Variants in NAALADL2 observed in about 807,000 individuals in gnomAD.
NAALADL2 encodes N-acetylated alpha-linked acidic dipeptidase like 2.
Under a neutral mutation model 87.2 loss-of-function variants are expected in NAALADL2, and 76 were observed. That is an observed-to-expected ratio of 0.87 (90% CI 0.72 to 1.05). The LOEUF (loss-of-function observed/expected upper bound fraction) is 1.05. NAALADL2 is among the 50% of genes least tolerant of loss of function. The probability of loss-of-function intolerance (pLI) is 0.00; values close to 1 mark genes in which losing one functional copy is unlikely to be tolerated. For missense variants in NAALADL2, 1,089 were observed against 945.8 expected, an observed-to-expected ratio of 1.15 and a Z score of -1.99; for synonymous variants, 354 against 331.0, an observed-to-expected ratio of 1.07 and a Z score of -0.75.
intron 1 of NAALADL2, among the ~76,000 whole-genome samples, chr3:174,462,649 G>A (rs773000700): frequency 4.9e-4 from 74 of 152,122 alleles, no homozygotes; most frequent in Non-Finnish European, 7.2e-4. Flanking sequence ...GAGGTGTCAA[G>A]ATATGCGTCT....
intron 1 of NAALADL2, among the ~76,000 whole-genome samples, chr3:174,964,246 T>C (rs1007378364): frequency 6.6e-6 from 1 of 152,086 alleles, no homozygotes; most frequent in African/African-American, 2.4e-5. Context: ...TCTCTATTCA[T>C]AGAGCTTACA....
chr3:175,251,211 C>T (rs1046606250), intron 3 of NAALADL2, among the ~76,000 whole-genome samples: 7 of 152,092 alleles, frequency 4.6e-5, no homozygotes, highest in Non-Finnish European at 4.4e-5. Flanking sequence ...TGTCGTCATC[C>T]CAAAACTTTG....
At position 174,848,046 on chromosome 3, in the gene NAALADL2, C is replaced by T. The variant is rs781415867; in HGVS notation, c.-9+110300C>T. ...ACTTCTTTGCTCCTTTTTATTTTCT[C>T]TACATGATATCCATGGTTAAAATCT... is the stretch of plus-strand genomic sequence containing the variant. On this transcript the variant is annotated intron_variant, in intron 3 of 3. Coordinates refer to the NAALADL2 transcript ENST00000434257. Among the ~76,000 whole-genome samples the T allele has an allele frequency of 1.2e-4, 18 of 146,764 alleles. No individual in the cohort carries two copies. In the Middle Eastern group the frequency reaches 0.01, roughly 86 times the overall value.
intron 3 of NAALADL2, among the ~76,000 whole-genome samples, chr3:174,799,669 G>A (rs1718573666): frequency 6.6e-6 from 1 of 152,158 alleles, no homozygotes; most frequent in African/African-American, 2.4e-5. Context: ...GAAGTGGAGT[G>A]CCGCAGAAAA....
intron 5 of NAALADL2, among the ~76,000 whole-genome samples, chr3:175,444,776 G>A (rs1170073682): frequency 2.0e-5 from 3 of 152,240 alleles, no homozygotes; most frequent in South Asian, 4.1e-4. Flanking sequence ...ATCTATATAA[G>A]GGAGCAATGA....
rs577951511 is a variant in NAALADL2, at chr3:175,337,686, T to C, written c.1090+13361T>C. The stretch of plus-strand genomic sequence containing the variant: ...CATCTCACTCAGTATTGTTCTGTTA[T>C]GGCAACCCTAGCAAACTAATACAAA... On this transcript the variant is annotated intron_variant, in intron 5 of 13. Coordinates refer to ENST00000454872, the MANE Select transcript of NAALADL2 (RefSeq NM_207015.3). Among the ~76,000 whole-genome samples the C allele has an allele frequency of 1.3e-4, 20 of 152,304 alleles. No individual in the cohort carries two copies. The East Asian group carries it at 3.9e-3, about 29-fold the overall frequency.
chr3:175,257,857 CAT>C lies in NAALADL2; in HGVS notation c.939+1328_939+1329del, dbSNP rs201825442. Reference sequence around the variant, plus strand: ...CCTATGAAGGTAACATTATTAATGACATGTGCTAGATAATTTTCTAAGCCTTT... The same window carrying C: ...CCTATGAAGGTAACATTATTAATGACGTGCTAGATAATTTTCTAAGCCTTT... On this transcript the variant is annotated intron_variant, in intron 4 of 13. Coordinates refer to ENST00000454872, the MANE Select transcript of NAALADL2 (RefSeq NM_207015.3). Among the ~76,000 whole-genome samples, 239 of 152,160 alleles carry C rather than the reference CAT, an allele frequency of 1.6e-3. 1 individual carries two copies. The highest frequency in any genetic ancestry group is 0.014 in the Middle Eastern group (4 of 294).
intron 1 of NAALADL2, among the ~76,000 whole-genome samples, chr3:174,474,434 TGTTA>T (rs1380960463): frequency 4.6e-5 from 7 of 152,236 alleles, no homozygotes; most frequent in African/African-American, 1.4e-4. Context: ...ACTAAGTATG[TGTTA>T]GTTAATGAAG....
intron 3 of NAALADL2, among the ~76,000 whole-genome samples, chr3:174,804,806 C>T (rs1204702788): frequency 1.3e-5 from 2 of 152,028 alleles, no homozygotes; most frequent in Admixed American, 6.6e-5. Flanking sequence ...CCCTGAAGGA[C>T]TTACGTTTTG....
chr3:174,622,144 C>G (rs1216225207), intron 2 of NAALADL2, among the ~76,000 whole-genome samples: 1 of 152,058 alleles, frequency 6.6e-6, no homozygotes, highest in Non-Finnish European at 1.5e-5. Context: ...AACTTAATGA[C>G]CTGGCCATGC....
intron 2 of NAALADL2, among the ~76,000 whole-genome samples, chr3:174,654,060 TTGTGTGTGTGTGTGTGTG>T (rs137877260): frequency 1.7e-4 from 25 of 144,064 alleles, no homozygotes; most frequent in Admixed American, 1.5e-3. Flanking sequence ...TAAGATGGCT[TTGTGTGTGTGTGTGTGTG>T]TGTGTGTGTG....
chr3:174,902,115 T>C (rs1732387569), intron 1 of NAALADL2, among the ~76,000 whole-genome samples: 1 of 152,178 alleles, frequency 6.6e-6, no homozygotes, highest in South Asian at 2.1e-4. Flanking sequence ...GTGTTGCTGA[T>C]GCTGCTAGTT....
intron 2 of NAALADL2, among the ~76,000 whole-genome samples, chr3:174,605,729 T>TG (rs1002718523): frequency 2.5e-4 from 38 of 152,036 alleles, no homozygotes; most frequent in African/African-American, 8.9e-4. Context: ...GCTCCACCTC[T>TG]GGGGGCAGGG....
At chr3:174,647,068 C>T (rs995996872) in intron 2 of NAALADL2, among the ~76,000 whole-genome samples, 11 of 152,122 alleles carry the variant, frequency 7.2e-5, no homozygotes, top group African/African-American at 2.6e-4. Flanking sequence ...CACTTTTTTA[C>T]TTACTATAGT....
In NAALADL2 at chr3:174,463,599, C is replaced by CTTT. The variant is rs57673935; in HGVS notation, c.-184+22584_-184+22586dup. On this transcript the variant is annotated intron_variant, in intron 1 of 3. Coordinates refer to the NAALADL2 transcript ENST00000434257. ...TTTAATGCTATACCCTAAAGATTATCTTTTTTTTTTTTTTTTTTTGAGACG... is the reference window on the plus strand; with the variant it reads ...TTTAATGCTATACCCTAAAGATTATCTTTTTTTTTTTTTTTTTTTTTTGAGACG... Among the ~76,000 whole-genome samples the CTTT allele has an allele frequency of 1.2e-3, 149 of 121,492 alleles. 7 individuals carry two copies. Among genetic ancestry groups the CTTT allele is most frequent in the African/African-American group, 2.5e-3 (82 of 32,198 alleles). 79.7% of individuals were successfully genotyped at this position (121,492 alleles called of 152,430 possible). A position where few individuals can be genotyped will look rare whatever the true frequency, so the allele number is the denominator to read the frequency against.
intron 11 of NAALADL2, among the ~76,000 whole-genome samples, chr3:175,630,075 C>G (rs1727547406): frequency 6.6e-6 from 1 of 151,622 alleles, no homozygotes; most frequent in Non-Finnish European, 1.5e-5. Context: ...ATTCTGTTTC[C>G]TCAATCATCA....
At chr3:175,117,985 A>T (rs1160282181) in intron 2 of NAALADL2, among the ~76,000 whole-genome samples, 1 of 152,028 alleles carries the variant, frequency 6.6e-6, no homozygotes, top group Non-Finnish European at 1.5e-5. Context: ...TGAAGCTAGA[A>T]ACCATCATTC....
intron 2 of NAALADL2, among the ~76,000 whole-genome samples, chr3:174,663,302 G>C (rs970414425): frequency 6.6e-6 from 1 of 151,950 alleles, no homozygotes; most frequent in African/African-American, 2.4e-5. Flanking sequence ...AAGATAATAT[G>C]TACCCAGCTA....
intron 1 of NAALADL2, among the ~76,000 whole-genome samples, chr3:175,083,973 A>G (rs954640690): frequency 6.6e-6 from 1 of 152,234 alleles, no homozygotes; most frequent in African/African-American, 2.4e-5. Context: ...GAGGAAGAAC[A>G]TGCACTGTGT....
Sources: allele counts gnomAD v4.1 joint callset (sites outside exome capture counted in the v4.1 genomes callset), GRCh38; gene constraint gnomAD v4.1.1; transcripts MANE v1.5; gene names NCBI Gene and HGNC (gene_info 2026-07-23, HGNC 2026-07-21).